The following SGF29 variants were observed in gnomAD, a reference collection of about 807,000 sequenced individuals.
SGF29 encodes the protein SAGA-associated factor 29.
In SGF29, 15 loss-of-function variants were observed where a neutral mutation model predicts 38.1. That is an observed-to-expected ratio of 0.39 (90% CI 0.26 to 0.61). SGF29 has a LOEUF of 0.61. Among genes scored for constraint, SGF29 ranks in the 20% least tolerant of loss-of-function variants. The pLI is 0.49. For missense variants in SGF29, 184 were observed against 394.6 expected (o/e 0.47, Z 4.52); for synonymous variants, 151 against 160.8 (o/e 0.94, Z 0.46).
intron 1 of SGF29, among the ~76,000 whole-genome samples, chr16:28,560,706 A>C (rs890334140): frequency 2.0e-5 from 3 of 152,158 alleles, no homozygotes; most frequent in Non-Finnish European, 4.4e-5. Context: ...TCACGCCGGT[A>C]ATCCCAGCAC....
At chr16:28,569,765 T>A (rs997593302) in intron 1 of SGF29, among the ~76,000 whole-genome samples, 2 of 152,080 alleles carry the variant, frequency 1.3e-5, no homozygotes, top group African/African-American at 2.4e-5. Context: ...ATCAAGACAA[T>A]GGAAGGATGA....
chr16:28,555,010 A>G (rs572831675), intron 1 of SGF29, among the ~76,000 whole-genome samples: 6 of 152,204 alleles, frequency 3.9e-5, no homozygotes, highest in South Asian at 2.1e-4. Flanking sequence ...TTTTGTTTTT[A>G]TTAGAGACAC....
At chr16:28,556,226 G>C (rs2046750209) in intron 1 of SGF29, among the ~76,000 whole-genome samples, 2 of 152,146 alleles carry the variant, frequency 1.3e-5, no homozygotes, top group Admixed American at 6.5e-5. Context: ...CCGGAGTATA[G>C]TGGTGCAATG....
chr16:28,570,544 TTTTATTTATTTATTTATTTA>T (rs61126025), intron 1 of SGF29, among the ~76,000 whole-genome samples: 6,250 of 137,630 alleles, frequency 0.045, 231 homozygotes, highest in East Asian at 0.21. Context: ...TTTTTTTAAA[TTTTATTTATTTATTTATTTA>T]TTTATTTATT....
chr16:28,584,878 G>A (rs749015862), intron 2 of SGF29, 35 bp from the exon 3 acceptor site: 1 of 1,562,290 alleles, frequency 6.4e-7, no homozygotes, highest in Admixed American at 1.7e-5. Flanking sequence ...AGCACAAAGG[G>A]CCACCGTCAT....
chr16:28,586,724 A>G (rs564625546), intron 4 of SGF29, among the ~76,000 whole-genome samples: 1 of 152,180 alleles, frequency 6.6e-6, no homozygotes, highest in Admixed American at 6.5e-5. Flanking sequence ...TTCATGCTTT[A>G]CACTTTTGGC....
chr16:28,573,356 C>T (rs373839262), intron 1 of SGF29, among the ~76,000 whole-genome samples: 6 of 152,090 alleles, frequency 3.9e-5, no homozygotes, highest in East Asian at 1.9e-4. Context: ...TAGGCCACAT[C>T]GGAAGCAGCA....
At chr16:28,564,629 ATATACGTATATATGTG>A (rs1465497403) in intron 1 of SGF29, among the ~76,000 whole-genome samples, 1 of 128,098 alleles carries the variant, frequency 7.8e-6, no homozygotes, top group African/African-American at 3.0e-5. Flanking sequence ...ATATGCATAT[ATATACGTATATATGTG>A]TATATATACG....
intron 1 of SGF29, among the ~76,000 whole-genome samples, chr16:28,569,088 C>CA (rs1308636569): frequency 1.3e-5 from 2 of 151,390 alleles, no homozygotes; most frequent in Non-Finnish European, 2.9e-5. Flanking sequence ...AACTCTGTCT[C>CA]AAAATAAATA....
chr16:28,588,978 G>T, intron 4 of SGF29, 122 bp from the exon 5 acceptor site: 2 of 990,738 alleles, frequency 2.0e-6, no homozygotes, highest in Non-Finnish European at 3.1e-6. Flanking sequence ...GCTACTGTGA[G>T]AACCTCTGGA....
chr16:28,558,699 GA>G (rs1177518891), intron 1 of SGF29, among the ~76,000 whole-genome samples: 5 of 152,220 alleles, frequency 3.3e-5, no homozygotes, highest in African/African-American at 1.2e-4. Flanking sequence ...TCTATCCATA[GA>G]ATGGAATGTT....
At chr16:28,565,397 G>A (rs560540879) in intron 1 of SGF29, among the ~76,000 whole-genome samples, 5 of 152,312 alleles carry the variant, frequency 3.3e-5, no homozygotes, top group African/African-American at 9.6e-5. Flanking sequence ...GTAAGCAGGT[G>A]TGCAGTGCAG....
At chr16:28,581,784 T>C (rs1306691305) in intron 2 of SGF29, among the ~76,000 whole-genome samples, 1 of 151,932 alleles carries the variant, frequency 6.6e-6, no homozygotes, top group Non-Finnish European at 1.5e-5. Flanking sequence ...CTAGGCTTGG[T>C]GGCGGATGCC....
chr16:28,564,525 G>GTGTATATATATA (rs1567285514), intron 1 of SGF29, among the ~76,000 whole-genome samples: 1 of 103,200 alleles, frequency 9.7e-6, no homozygotes, highest in Non-Finnish European at 2.1e-5. Context: ...ATATATGTGT[G>GTGTATATATATA]TGTATATATA....
At chr16:28,566,279 AAAAAAG>A (rs569981472) in intron 1 of SGF29, among the ~76,000 whole-genome samples, 21 of 151,522 alleles carry the variant, frequency 1.4e-4, no homozygotes, top group Non-Finnish European at 2.2e-4. Flanking sequence ...GTCTCAAAAA[AAAAAAG>A]AAAAAGAAAA....
Position 28,591,721 on chromosome 16 carries a change from C to T in SGF29, c.*15C>T, listed in dbSNP as rs1281319504. ...AGAAAAAGTGATGCCGCCTGGCAGA[C>T]TCGCCATCCCCCAACGACACAGGGC... On this transcript the variant is annotated 3_prime_UTR_variant, in exon 10 of 10. Coordinates refer to ENST00000317058, the MANE Select transcript of SGF29 (RefSeq NM_138414.3). The T allele has an allele frequency of 6.3e-7, 1 of 1,576,918 alleles. No individual in the cohort carries two copies. The highest frequency in any genetic ancestry group is 8.7e-7 in the Non-Finnish European group (1 of 1,146,356).
chr16:28,589,392 T>G (rs906699606), intron 5 of SGF29: 3 of 526,462 alleles, frequency 5.7e-6, no homozygotes, highest in East Asian at 3.3e-5. Flanking sequence ...CATCCCGCCC[T>G]GGCCCCTCAT....
At chr16:28,565,205 G>A (rs2046829145) in intron 1 of SGF29, among the ~76,000 whole-genome samples, 1 of 152,126 alleles carries the variant, frequency 6.6e-6, no homozygotes, top group South Asian at 2.1e-4. Context: ...CCCATATGGA[G>A]GATGGGTCTT....
At chr16:28,571,249 T>C (rs192116740) in intron 1 of SGF29, among the ~76,000 whole-genome samples, 12 of 152,126 alleles carry the variant, frequency 7.9e-5, no homozygotes, top group African/African-American at 2.9e-4. Flanking sequence ...ATGCCGAATC[T>C]ACTGGGGCCT....
Sources: allele counts gnomAD v4.1 joint callset (sites outside exome capture counted in the v4.1 genomes callset), GRCh38; gene constraint gnomAD v4.1.1; transcripts MANE v1.5; gene names NCBI Gene and HGNC (gene_info 2026-07-23, HGNC 2026-07-21).